STPG2: variants seen among roughly 807,000 people sequenced by gnomAD.
The protein encoded by STPG2 is sperm-tail PG-rich repeat-containing protein 2.
In STPG2, 56 loss-of-function variants were observed where a neutral mutation model predicts 54.2. The ratio of observed to expected loss-of-function variants is 1.03; its 90% CI spans 0.83 to 1.29. The LOEUF (loss-of-function observed/expected upper bound fraction) is 1.29, where lower values mean the gene tolerates loss of function less well. Ranked by LOEUF, STPG2 falls within the 50% of genes most tolerant of loss-of-function variation. The pLI is 0.00. For missense variants in STPG2, 596 were observed against 544.9 expected, an observed-to-expected ratio of 1.09 and a Z score of -0.93; for synonymous variants, 200 against 181.8, an observed-to-expected ratio of 1.10 and a Z score of -0.81.
chr4:98,009,803 A>G (rs1735687575), intron 5 of STPG2, among the ~76,000 whole-genome samples: 1 of 151,942 alleles, frequency 6.6e-6, no homozygotes, highest in African/African-American at 2.4e-5. Context: ...CCTTTTGATG[A>G]GTTGGCCCCT....
chr4:97,619,482 T>C (rs1194707539), intron 10 of STPG2, among the ~76,000 whole-genome samples: 1 of 151,976 alleles, frequency 6.6e-6, no homozygotes, highest in African/African-American at 2.4e-5. Flanking sequence ...ATGTTTTGAT[T>C]TGAGGGCTGA....
intron 9 of STPG2, among the ~76,000 whole-genome samples, chr4:97,827,824 T>C (rs530233774): frequency 6.6e-6 from 1 of 152,108 alleles, no homozygotes; most frequent in Non-Finnish European, 1.5e-5. Context: ...AAAAATGGCC[T>C]CATACCTTGC....
At chr4:98,072,908 G>A (rs191193015) in intron 5 of STPG2, among the ~76,000 whole-genome samples, 25 of 152,272 alleles carry the variant, frequency 1.6e-4, no homozygotes, top group Middle Eastern at 3.4e-3. Flanking sequence ...TTAGTCGTGC[G>A]AGGTTGAGCA....
At chr4:97,910,930 C>T (rs1439202796) in intron 8 of STPG2, among the ~76,000 whole-genome samples, 1 of 152,170 alleles carries the variant, frequency 6.6e-6, no homozygotes, top group African/African-American at 2.4e-5. Context: ...AAAGTGAATT[C>T]TACACCTTCA....
At chr4:97,666,325 A>T (rs1027870814) in intron 10 of STPG2, among the ~76,000 whole-genome samples, 5 of 152,226 alleles carry the variant, frequency 3.3e-5, no homozygotes, top group African/African-American at 1.2e-4. Flanking sequence ...CACTGCCATC[A>T]GTTATAGAGT....
intron 4 of STPG2, among the ~76,000 whole-genome samples, chr4:97,468,610 G>A (rs1422135104): frequency 2.0e-5 from 3 of 151,936 alleles, no homozygotes; most frequent in East Asian, 1.9e-4. Flanking sequence ...ATAGTTAAAC[G>A]TGGTAATAAC....
At chr4:97,486,033 A>T (rs1730347373) in intron 4 of STPG2, among the ~76,000 whole-genome samples, 1 of 152,030 alleles carries the variant, frequency 6.6e-6, no homozygotes, top group Non-Finnish European at 1.5e-5. Flanking sequence ...ACCTTACACA[A>T]AAATCAACTC....
At chr4:97,456,845 A>G (rs1325209262) in intron 4 of STPG2, among the ~76,000 whole-genome samples, 8 of 145,176 alleles carry the variant, frequency 5.5e-5, no homozygotes, top group Admixed American at 5.4e-4. Context: ...GAGTGAGCTG[A>G]GATCGCGCCA....
intron 7 of STPG2, among the ~76,000 whole-genome samples, chr4:97,966,922 C>T (rs975205091): frequency 6.6e-5 from 10 of 152,142 alleles, no homozygotes; most frequent in African/African-American, 2.4e-4. Flanking sequence ...ATTGTAAAGA[C>T]CATCAATGCT....
At chr4:97,781,691 C>T (rs1033270345) in intron 9 of STPG2, among the ~76,000 whole-genome samples, 3 of 152,136 alleles carry the variant, frequency 2.0e-5, no homozygotes, top group Admixed American at 6.6e-5. Flanking sequence ...GAATAAAATA[C>T]TGGCAAACCA....
intron 9 of STPG2, among the ~76,000 whole-genome samples, chr4:97,717,044 A>G (rs571060824): frequency 6.6e-6 from 1 of 152,270 alleles, no homozygotes; most frequent in South Asian, 2.1e-4. Flanking sequence ...AGACTAGTAC[A>G]CAAAGAAGTA....
intron 8 of STPG2, among the ~76,000 whole-genome samples, chr4:97,941,034 T>C (rs924995215): frequency 2.6e-5 from 4 of 152,128 alleles, no homozygotes; most frequent in African/African-American, 9.7e-5. Context: ...CAGAAAATTA[T>C]TTTCTTGATT....
chr4:97,564,986 G>T (rs899130596), intron 10 of STPG2, among the ~76,000 whole-genome samples: 7 of 152,162 alleles, frequency 4.6e-5, no homozygotes, highest in African/African-American at 1.7e-4. Flanking sequence ...AGCCTGCCTT[G>T]CTAGACTGGG....
At chr4:97,904,020 G>C (rs1731289590) in intron 8 of STPG2, among the ~76,000 whole-genome samples, 1 of 152,216 alleles carries the variant, frequency 6.6e-6, no homozygotes, top group African/African-American at 2.4e-5. Context: ...GCGAGGCTGG[G>C]GGAGGGGCGC....
At chr4:98,117,862 C>A (rs994179089) in intron 3 of STPG2, among the ~76,000 whole-genome samples, 1 of 151,982 alleles carries the variant, frequency 6.6e-6, no homozygotes, top group Admixed American at 6.6e-5. Flanking sequence ...ACATAGTTTG[C>A]TTTATTTCTT....
intron 10 of STPG2, among the ~76,000 whole-genome samples, chr4:97,690,597 C>A (rs1723333129): frequency 6.6e-6 from 1 of 152,138 alleles, no homozygotes; most frequent in Non-Finnish European, 1.5e-5. Context: ...ACATCTCTCT[C>A]CATAACATAT....
rs575898167 is a variant in STPG2 at position 97,999,961 on chromosome 4, GA to G, written c.613-18644del. Among the ~76,000 whole-genome samples the G allele has an allele frequency of 4.2e-3, 641 of 152,250 alleles. 3 individuals carry two copies. Among genetic ancestry groups the G allele is most frequent in the South Asian group, 0.024 (116 of 4,814 alleles). On this transcript the variant is annotated intron_variant, in intron 5 of 10. Coordinates refer to ENST00000295268, the MANE Select transcript of STPG2 (RefSeq NM_174952.3). ...AGAGAATTTCTGTGGAGAAAAAAGT[GA>G]AAACGGCTAATAATATTATGTAATA...
intron 8 of STPG2, among the ~76,000 whole-genome samples, chr4:97,868,269 T>G (rs2149150479): frequency 6.6e-6 from 1 of 152,066 alleles, no homozygotes; most frequent in South Asian, 2.1e-4. Flanking sequence ...TGAATCAAAT[T>G]CATGGTGGAT....
At chr4:97,736,153 A>G (rs189836455) in intron 9 of STPG2, among the ~76,000 whole-genome samples, 11 of 152,310 alleles carry the variant, frequency 7.2e-5, no homozygotes, top group Non-Finnish European at 1.5e-4. Flanking sequence ...AATTAAAAAT[A>G]GAACTATCAT....
Sources: allele counts gnomAD v4.1 joint callset (sites outside exome capture counted in the v4.1 genomes callset), GRCh38; gene constraint gnomAD v4.1.1; transcripts MANE v1.5; gene names NCBI Gene and HGNC (gene_info 2026-07-23, HGNC 2026-07-21).